The following CLIC5 variants were observed in gnomAD, a reference collection of about 807,000 sequenced individuals.
CLIC5 encodes chloride intracellular channel protein 5.
A neutral mutation model predicts 24.7 loss-of-function variants in CLIC5; 20 were observed. The ratio of observed to expected loss-of-function variants is 0.81; its 90% CI spans 0.57 to 1.18. The LOEUF (loss-of-function observed/expected upper bound fraction) is 1.18. CLIC5 is among the 50% of genes most tolerant of loss of function. CLIC5 has a pLI of 0.00. For synonymous variants in CLIC5, 159 were observed against 135.6 expected, an observed-to-expected ratio of 1.17 and a Z score of -1.20; for missense variants, 341 against 326.1, an observed-to-expected ratio of 1.05 and a Z score of -0.35.
intron 1 of CLIC5, among the ~76,000 whole-genome samples, chr6:45,978,448 T>C (rs1765458512): frequency 6.6e-6 from 1 of 152,176 alleles, no homozygotes; most frequent in Admixed American, 6.5e-5. Context: ...TCTATGGGGA[T>C]TCTAGGAAGT....
rs193264994 is a variant in CLIC5 at position 45,989,739 on chromosome 6, A to G, written c.63+25741T>C. On this transcript the variant is annotated intron_variant, in intron 1 of 5. Coordinates refer to ENST00000339561, the MANE Select transcript of CLIC5 (RefSeq NM_016929.5). ...CCATTAAAGATACCAAAATTCCCCAATGGGCAGAGTTGCAGGGAAAATAAT... is the reference window on the plus strand; with the variant it reads ...CCATTAAAGATACCAAAATTCCCCAGTGGGCAGAGTTGCAGGGAAAATAAT... 7.2e-5 allele frequency among the ~76,000 whole-genome samples: 11 copies of G among 152,308 alleles called. No individual in the cohort carries two copies. In the East Asian group the frequency reaches 1.5e-3, roughly 21 times the overall value.
At chr6:45,930,201 C>T (rs915461409) in intron 4 of CLIC5, among the ~76,000 whole-genome samples, 2 of 152,158 alleles carry the variant, frequency 1.3e-5, no homozygotes, top group African/African-American at 2.4e-5. Context: ...AGCACAGGGC[C>T]TTTGATAATA....
intron 5 of CLIC5, among the ~76,000 whole-genome samples, chr6:45,913,044 G>A (rs1377028435): frequency 2.0e-5 from 3 of 152,158 alleles, no homozygotes; most frequent in African/African-American, 7.2e-5. Flanking sequence ...AAAATAATAG[G>A]CATATACTCA....
chr6:45,946,061 A>G (rs1047317333), intron 3 of CLIC5, among the ~76,000 whole-genome samples: 7 of 152,208 alleles, frequency 4.6e-5, no homozygotes, highest in Non-Finnish European at 8.8e-5. Flanking sequence ...CATCTTGGAG[A>G]CTATGTAGTT....
chr6:45,887,924 G>A (rs1263335149), intron 6 of CLIC5, among the ~76,000 whole-genome samples: 1 of 152,216 alleles, frequency 6.6e-6, no homozygotes, highest in South Asian at 2.1e-4. Flanking sequence ...AAAAATCAAT[G>A]AATGTTAATG....
chr6:45,903,956 C>T (rs2127294933), intron 5 of CLIC5, among the ~76,000 whole-genome samples: 1 of 152,190 alleles, frequency 6.6e-6, no homozygotes, highest in East Asian at 1.9e-4. Flanking sequence ...TAGACTATGA[C>T]ATAAAAGTAA....
At chr6:46,061,779 T>C (rs1762290776) in intron 1 of CLIC5, among the ~76,000 whole-genome samples, 1 of 152,214 alleles carries the variant, frequency 6.6e-6, no homozygotes, top group Non-Finnish European at 1.5e-5. Flanking sequence ...ATCACAGATG[T>C]TCTTTTTCAG....
At chr6:46,088,303 G>A in the CLIC5 span, among the ~76,000 whole-genome samples, 1 of 151,944 alleles carries the variant, frequency 6.6e-6, no homozygotes, top group South Asian at 2.1e-4. Context: ...AATACCACTT[G>A]ACTCCTATAA....
intron 6 of CLIC5, among the ~76,000 whole-genome samples, chr6:45,889,011 A>C (rs1032393102): frequency 1.3e-5 from 2 of 152,210 alleles, no homozygotes; most frequent in Admixed American, 1.3e-4. Context: ...GAATATCTAC[A>C]CTATGGAGTA....
chr6:46,080,288 C>G (rs1450357294), exon 1 of CLIC5: 1 of 1,487,572 alleles, frequency 6.7e-7, no homozygotes, highest in Non-Finnish European at 9.1e-7. Context: ...CTGAGTAGAT[C>G]TGAAATGAAT....
chr6:45,977,189 T>C (rs1320102346), intron 1 of CLIC5, among the ~76,000 whole-genome samples: 1 of 152,212 alleles, frequency 6.6e-6, no homozygotes, highest in East Asian at 1.9e-4. Flanking sequence ...TCATTCTTTA[T>C]TTTTGACTTT....
At chr6:45,909,606 A>G (rs759086267) in intron 5 of CLIC5, among the ~76,000 whole-genome samples, 7 of 152,226 alleles carry the variant, frequency 4.6e-5, no homozygotes, top group Non-Finnish European at 7.3e-5. Flanking sequence ...ATAGGCCCTC[A>G]ATCTCTTCTG....
chr6:45,926,408 C>G (rs188514481), intron 4 of CLIC5, among the ~76,000 whole-genome samples: 1 of 151,024 alleles, frequency 6.6e-6, no homozygotes, highest in Non-Finnish European at 1.5e-5. Context: ...CCACCACACC[C>G]GGCTAAATTT....
intron 4 of CLIC5, among the ~76,000 whole-genome samples, chr6:45,921,165 A>T (rs1763244195): frequency 6.6e-6 from 1 of 152,146 alleles, no homozygotes; most frequent in Non-Finnish European, 1.5e-5. Flanking sequence ...ATGGCAGGTA[A>T]GGGGGGGCTG....
chr6:46,060,428 G>A (rs1402268483), intron 1 of CLIC5, among the ~76,000 whole-genome samples: 2 of 152,094 alleles, frequency 1.3e-5, no homozygotes, highest in Non-Finnish European at 2.9e-5. Context: ...AAAGAGGGTG[G>A]GGTGGGAGTG....
At chr6:46,092,540 C>T in the CLIC5 span, among the ~76,000 whole-genome samples, 16 of 152,138 alleles carry the variant, frequency 1.1e-4, no homozygotes, top group Non-Finnish European at 1.9e-4. Context: ...GTCTTGGCTC[C>T]TACCATTCAT....
intron 3 of CLIC5, among the ~76,000 whole-genome samples, chr6:45,944,549 CAAAAAAAAAA>C (rs773971605): frequency 1.6e-5 from 1 of 61,416 alleles, no homozygotes; most frequent in African/African-American, 6.3e-5. Context: ...GGCTTCTCAC[CAAAAAAAAAA>C]AAAAAAAAAA....
At chr6:46,051,603 A>C (rs1374717647) in intron 1 of CLIC5, among the ~76,000 whole-genome samples, 1 of 152,248 alleles carries the variant, frequency 6.6e-6, no homozygotes. Flanking sequence ...GCAACCAGCC[A>C]CATGATATGG....
chr6:45,892,387 C>T lies in CLIC5; in HGVS notation c.624-11199G>A, dbSNP rs373161848. 1.2e-4 allele frequency among the ~76,000 whole-genome samples: 18 copies of T among 152,128 alleles called. 1 individual carries two copies. Among genetic ancestry groups the T allele is most frequent in the African/African-American group, 1.7e-4 (7 of 41,414 alleles). On this transcript the variant is annotated intron_variant, in intron 6 of 6. Transcript: ENST00000644324. The stretch of plus-strand genomic sequence containing the variant: ...GAGTGACCACACCTTGGTTTTGCAC[C>T]GGGAGAGGTGAAGTTTTTTGTGTCA...
Sources: gnomAD v4.1 joint callset for allele counts (sites outside exome capture counted in the v4.1 genomes callset) on GRCh38, gnomAD v4.1.1 for gene constraint, MANE v1.5 for transcripts, NCBI Gene and HGNC (gene_info 2026-07-23, HGNC 2026-07-21) for gene names.